MAGI2: variants seen among roughly 807,000 people sequenced by gnomAD.
The protein encoded by MAGI2 is membrane-associated guanylate kinase, WW and PDZ domain-containing protein 2.
MAGI2 carries 35 observed loss-of-function variants against 133.3 expected under a neutral mutation model. The observed-to-expected ratio is 0.26, with a 90% CI of 0.20 to 0.35. MAGI2 has a LOEUF of 0.35. MAGI2 is among the 10% of genes least tolerant of loss of function. MAGI2 has a pLI of 1.00. For missense variants in MAGI2, 1,636 were observed against 1,863.4 expected, an observed-to-expected ratio of 0.88 and a Z score of 2.25; for synonymous variants, 729 against 710.6, an observed-to-expected ratio of 1.03 and a Z score of -0.41.
intron 2 of MAGI2, among the ~76,000 whole-genome samples, chr7:78,831,406 CTT>C (rs200072939): frequency 1.4e-5 from 2 of 145,772 alleles, no homozygotes; most frequent in Non-Finnish European, 1.5e-5. Flanking sequence ...TTAAAATTAT[CTT>C]TTTTTTTTTT....
At chr7:78,843,515 CTAAA>C (rs1248036582) in intron 2 of MAGI2, among the ~76,000 whole-genome samples, 1 of 151,620 alleles carries the variant, frequency 6.6e-6, no homozygotes, top group Non-Finnish European at 1.5e-5. Context: ...ATTTAGAAAA[CTAAA>C]TAAAGCATAA....
At chr7:79,193,589 T>C (rs1473373462) in intron 1 of MAGI2, among the ~76,000 whole-genome samples, 1 of 151,920 alleles carries the variant, frequency 6.6e-6, no homozygotes, top group East Asian at 1.9e-4. Context: ...GTAAAATGCA[T>C]ACTAATAAAC....
chr7:79,327,679 TCACA>T (rs144532989), intron 1 of MAGI2, among the ~76,000 whole-genome samples: 2 of 151,320 alleles, frequency 1.3e-5, no homozygotes, highest in Non-Finnish European at 3.0e-5. Context: ...TCTCTCTATT[TCACA>T]CACACACACA....
At chr7:79,016,618 T>G (rs562967347) in intron 1 of MAGI2, among the ~76,000 whole-genome samples, 29 of 152,170 alleles carry the variant, frequency 1.9e-4, no homozygotes, top group African/African-American at 7.0e-4. Context: ...TAAGCTTGGG[T>G]AGACCTTGCC....
At chr7:78,608,967 G>A (rs1806132476) in intron 3 of MAGI2, among the ~76,000 whole-genome samples, 1 of 152,170 alleles carries the variant, frequency 6.6e-6, no homozygotes. Flanking sequence ...GCAAGCTTGA[G>A]GATCAAGGAG....
chr7:78,215,279 G>T (rs1458828935), intron 10 of MAGI2, among the ~76,000 whole-genome samples: 2 of 152,098 alleles, frequency 1.3e-5, no homozygotes, highest in African/African-American at 4.8e-5. Flanking sequence ...TTCTCCTATG[G>T]TGTTAACTCT....
Position 79,408,722 on chromosome 7 carries a change from T to C in MAGI2, c.301+44298A>G, listed in dbSNP as rs933084747. ...CTGTGGAAGATTTTGGATGGCGTGA[T>C]TTAGTCTGGGTTAAAAAAAGAGATG... On this transcript the variant is annotated intron_variant, in intron 1 of 21. Coordinates refer to ENST00000354212, the MANE Select transcript of MAGI2 (RefSeq NM_012301.4). 3.9e-5 allele frequency among the ~76,000 whole-genome samples: 6 copies of C among 151,996 alleles called. No homozygotes were observed. The South Asian group carries it at 6.2e-4, about 16-fold the overall frequency.
intron 2 of MAGI2, among the ~76,000 whole-genome samples, chr7:78,907,231 G>A (rs559431431): frequency 6.6e-6 from 1 of 152,262 alleles, no homozygotes; most frequent in African/African-American, 2.4e-5. Context: ...AGCTAGCTCA[G>A]GTGCAAGGGG....
intron 1 of MAGI2, among the ~76,000 whole-genome samples, chr7:79,155,358 A>T (rs1355992587): frequency 1.3e-5 from 2 of 152,162 alleles, no homozygotes; most frequent in Non-Finnish European, 2.9e-5. Context: ...TCTTAAGATA[A>T]AATGCTAGGC....
In MAGI2 at chr7:78,198,470, C is replaced by T. The variant is rs369382291; in HGVS notation, c.2079+2692G>A. On this transcript the variant is annotated intron_variant, in intron 11 of 21. Transcript: ENST00000354212. ...TTTTCGAGACATGGTCTCACTCTGT[C>T]GCCCAGGCTGGAGTGCAAGGGCATG... Among the ~76,000 whole-genome samples the T allele has an allele frequency of 1.0e-3, 128 of 125,986 alleles. 1 individual carries two copies. Among genetic ancestry groups the T allele is most frequent in the African/African-American group, 3.4e-3 (115 of 33,722 alleles). 82.7% of individuals were successfully genotyped at this position (125,986 alleles called of 152,430 possible). A position where few individuals can be genotyped will look rare whatever the true frequency, so the allele number is the denominator to read the frequency against.
At chr7:78,296,832 C>CCAAA (rs1373187986) in intron 9 of MAGI2, among the ~76,000 whole-genome samples, 3 of 152,150 alleles carry the variant, frequency 2.0e-5, no homozygotes, top group East Asian at 1.9e-4. Context: ...GGAATTGATG[C>CCAAA]CAAACAACCC....
chr7:79,025,107 T>C (rs920626937), intron 1 of MAGI2, among the ~76,000 whole-genome samples: 3 of 152,092 alleles, frequency 2.0e-5, no homozygotes, highest in Non-Finnish European at 4.4e-5. Flanking sequence ...TCAACATAAA[T>C]GCCCATCAAT....
chr7:78,292,704 A>C (rs1356510656), intron 9 of MAGI2, among the ~76,000 whole-genome samples: 4 of 152,138 alleles, frequency 2.6e-5, no homozygotes, highest in East Asian at 1.9e-4. Context: ...CTACAGTAAC[A>C]AAAACAGCAC....
rs1250099830 is a variant in MAGI2 at position 78,019,636 on chromosome 7, C to A, written c.4047G>T (p.Ala1349=). 9.6e-7 allele frequency: 1 copy of A among 1,041,462 alleles called. No individual in the cohort carries two copies. Among genetic ancestry groups the A allele is most frequent in the African/African-American group, 1.7e-5 (1 of 57,910 alleles). 64.5% of individuals were successfully genotyped at this position (1,041,462 alleles called of 1,614,324 possible). The change falls in exon 22 of 22, where the codon GCG becomes GCT. Residue 1349 remains alanine, a synonymous_variant. Transcript: ENST00000354212. Reference sequence around the variant, plus strand: ...CCGCGTCTGCCGCCGCGAGCCCGGGCGCCCTGGCCTCCGAGGCGGGCCTGC... The same window carrying A: ...CCGCGTCTGCCGCCGCGAGCCCGGGAGCCCTGGCCTCCGAGGCGGGCCTGC... ...EAGRPASEAR[A]PGLAAADAAD... is the part of the protein sequence containing the mutation.
chr7:79,114,905 G>T (rs1464066930), intron 1 of MAGI2, among the ~76,000 whole-genome samples: 1 of 152,054 alleles, frequency 6.6e-6, no homozygotes, highest in Non-Finnish European at 1.5e-5. Context: ...GTAGCTACTT[G>T]GTCTAAATTG....
intron 1 of MAGI2, among the ~76,000 whole-genome samples, chr7:79,202,392 C>G (rs1371979882): frequency 1.3e-5 from 2 of 151,678 alleles, no homozygotes; most frequent in Non-Finnish European, 2.9e-5. Context: ...TTTGTATAAA[C>G]CTGGTTTATA....
At chr7:78,949,848 G>A (rs745461484) in intron 2 of MAGI2, among the ~76,000 whole-genome samples, 2 of 152,114 alleles carry the variant, frequency 1.3e-5, no homozygotes, top group East Asian at 1.9e-4. Context: ...TGTTTCACTC[G>A]GAAATCCATG....
intron 1 of MAGI2, among the ~76,000 whole-genome samples, chr7:79,290,569 A>T (rs999936022): frequency 6.7e-6 from 1 of 149,306 alleles, no homozygotes; most frequent in African/African-American, 2.5e-5. Flanking sequence ...GCTTTCCCTC[A>T]TTTTTTTTTC....
intron 1 of MAGI2, among the ~76,000 whole-genome samples, chr7:79,251,766 C>T (rs375386403): frequency 6.6e-6 from 1 of 152,168 alleles, no homozygotes; most frequent in Admixed American, 6.5e-5. Context: ...ATCAGTATAT[C>T]GAAAAGACAT....
Sources: allele counts gnomAD v4.1 joint callset (sites outside exome capture counted in the v4.1 genomes callset), GRCh38; gene constraint gnomAD v4.1.1; transcripts MANE v1.5; gene names NCBI Gene and HGNC (gene_info 2026-07-23, HGNC 2026-07-21).